The following LRP1B variants were observed in gnomAD, a reference collection of about 807,000 sequenced individuals.
LRP1B encodes low-density lipoprotein receptor-related protein 1B.
A neutral mutation model predicts 556.6 loss-of-function variants in LRP1B; 217 were observed. The ratio of observed to expected loss-of-function variants is 0.39; its 90% CI spans 0.35 to 0.44. LRP1B has a LOEUF of 0.44. Ranked by LOEUF, LRP1B falls within the 20% of genes least tolerant of loss-of-function variation. LRP1B has a pLI of 1.00. For synonymous variants in LRP1B, 2,047 were observed against 1,865.8 expected (o/e 1.10, Z -2.50); for missense variants, 5,053 against 5,620.8 (o/e 0.90, Z 3.23).
chr2:140,818,936 CAAAA>C (rs543167243), intron 31 of LRP1B, among the ~76,000 whole-genome samples: 47 of 102,904 alleles, frequency 4.6e-4, no homozygotes, highest in Admixed American at 1.1e-3. Flanking sequence ...GACTCTGTCT[CAAAA>C]AAAAAAAAAA....
chr2:140,351,615 A>T (rs146973554), intron 76 of LRP1B, among the ~76,000 whole-genome samples: 2 of 152,210 alleles, frequency 1.3e-5, no homozygotes, highest in Non-Finnish European at 1.5e-5. Flanking sequence ...ATTCTATTCT[A>T]AAGTTTTGAC....
chr2:141,438,208 G>A (rs1267324638), intron 3 of LRP1B, among the ~76,000 whole-genome samples: 1 of 152,062 alleles, frequency 6.6e-6, no homozygotes, highest in Non-Finnish European at 1.5e-5. Context: ...TGATTACGGA[G>A]TCTGTTCATC....
chr2:141,675,045 G>T (rs1216456725), intron 2 of LRP1B, among the ~76,000 whole-genome samples: 1 of 151,562 alleles, frequency 6.6e-6, no homozygotes, highest in East Asian at 1.9e-4. Flanking sequence ...AGAAACTTTT[G>T]TTTTTATTTT....
At chr2:140,876,401 T>C (rs1693306418) in intron 25 of LRP1B, among the ~76,000 whole-genome samples, 1 of 152,176 alleles carries the variant, frequency 6.6e-6, no homozygotes, top group South Asian at 2.1e-4. Flanking sequence ...AATACAGTTA[T>C]TTGCATAAGT....
chr2:141,233,026 A>G lies in LRP1B; in HGVS notation c.593-3586T>C, dbSNP rs374815182. 1.6e-4 allele frequency among the ~76,000 whole-genome samples: 24 copies of G among 152,192 alleles called. No homozygotes were observed. In the East Asian group the frequency reaches 1.7e-3, roughly 11 times the overall value. The stretch of plus-strand genomic sequence containing the variant: ...TGTTGTGCATCGTTACCACATGCCA[A>G]TTGAAGAGCACCAGCTTGGGTAAGG... On this transcript the variant is annotated intron_variant, in intron 5 of 90. Transcript: ENST00000389484.
chr2:140,329,883 G>GAA (rs34190948), intron 79 of LRP1B, among the ~76,000 whole-genome samples: 29 of 147,214 alleles, frequency 2.0e-4, no homozygotes, highest in Admixed American at 7.4e-4. Context: ...CACCAAATTA[G>GAA]AAAAAAAAAC....
Position 141,781,065 on chromosome 2 carries a change from A to G in LRP1B, c.205+29214T>C, listed in dbSNP as rs140975396. 2.0e-5 allele frequency among the ~76,000 whole-genome samples: 3 copies of G among 152,242 alleles called. No individual in the cohort carries two copies. In the East Asian group the frequency reaches 5.8e-4, roughly 30 times the overall value. On this transcript the variant is annotated intron_variant, in intron 2 of 90. Coordinates refer to ENST00000389484, the MANE Select transcript of LRP1B (RefSeq NM_018557.3). ...AGAGACCCAGAGAGGAGAATGCGGC[A>G]CTTGTAGAGAGGAAAGCAGATAGTA...
intron 60 of LRP1B, among the ~76,000 whole-genome samples, chr2:140,463,402 C>G (rs1170363969): frequency 6.6e-6 from 1 of 152,138 alleles, no homozygotes; most frequent in Non-Finnish European, 1.5e-5. Context: ...CTGTGCAAAC[C>G]ATTTAAAAAA....
intron 43 of LRP1B, among the ~76,000 whole-genome samples, chr2:140,549,586 A>T (rs1241697983): frequency 6.6e-6 from 1 of 152,202 alleles, no homozygotes; most frequent in Non-Finnish European, 1.5e-5. Context: ...ACATAGAAGG[A>T]CAGGAGCAAA....
intron 1 of LRP1B, among the ~76,000 whole-genome samples, chr2:142,075,446 G>C (rs1278642053): frequency 6.6e-6 from 1 of 152,014 alleles, no homozygotes; most frequent in Non-Finnish European, 1.5e-5. Flanking sequence ...ATGACCTCTG[G>C]ACTGACATTT....
chr2:141,036,312 T>C (rs1431701966), intron 11 of LRP1B, among the ~76,000 whole-genome samples: 2 of 152,032 alleles, frequency 1.3e-5, no homozygotes, highest in African/African-American at 2.4e-5. Flanking sequence ...TCCCTGGGAA[T>C]ACCCAACACA....
At chr2:141,238,998 A>G (rs1463729009) in intron 5 of LRP1B, among the ~76,000 whole-genome samples, 1 of 152,084 alleles carries the variant, frequency 6.6e-6, no homozygotes, top group Non-Finnish European at 1.5e-5. Context: ...CAGTCTCTTT[A>G]TATTTTTTAA....
At position 141,001,841 on chromosome 2, in the gene LRP1B, A is replaced by G. The variant is rs979997963; in HGVS notation, c.2503+3494T>C. On this transcript the variant is annotated intron_variant, in intron 15 of 90. Coordinates refer to ENST00000389484, the MANE Select transcript of LRP1B (RefSeq NM_018557.3). ...TTCATCTTTTCAAAATGTCAGAGTC[A>G]TTCAATTGGGCTAGCAGGAATTTCA... is the stretch of plus-strand genomic sequence containing the variant. Among the ~76,000 whole-genome samples, 4 of 152,274 alleles carry G rather than the reference A, an allele frequency of 2.6e-5. No individual in the cohort carries two copies. The South Asian group carries it at 6.2e-4, about 24-fold the overall frequency.
chr2:140,497,748 T>G (rs1164152368), intron 55 of LRP1B, among the ~76,000 whole-genome samples: 1 of 151,866 alleles, frequency 6.6e-6, no homozygotes, highest in East Asian at 1.9e-4. Context: ...TAATGGGGTT[T>G]CTGAAAATCA....
chr2:140,285,026 G>A (rs201035951), intron 84 of LRP1B, among the ~76,000 whole-genome samples: 1,590 of 144,598 alleles, frequency 0.011, 26 homozygotes, highest in East Asian at 0.079. Flanking sequence ...GTGTGTGTGT[G>A]TATATATATA....
chr2:140,803,260 G>GTTTT lies in LRP1B; in HGVS notation c.5359+10393_5359+10396dup, dbSNP rs11352164. On this transcript the variant is annotated intron_variant, in intron 32 of 90. Coordinates refer to ENST00000389484, the MANE Select transcript of LRP1B (RefSeq NM_018557.3). The stretch of plus-strand genomic sequence containing the variant: ...GTGGTCAGTATTAGTCCTATTGAAA[G>GTTTT]TTTTTTTTTTTTTTTTTTTTTTTTT... Among the ~76,000 whole-genome samples the GTTTT allele has an allele frequency of 4.2e-3, 424 of 102,142 alleles. 60 individuals are homozygous for GTTTT. Among genetic ancestry groups the GTTTT allele is most frequent in the East Asian group, 0.019 (76 of 4,014 alleles). The allele number at this position is 102,142 out of a possible 152,430, so 67.0% of individuals were successfully genotyped here.
chr2:141,070,775 A>G lies in LRP1B; in HGVS notation c.1014-8502T>C, dbSNP rs369821476. Among the ~76,000 whole-genome samples the G allele has an allele frequency of 8.3e-4, 127 of 152,134 alleles. 1 individual carries two copies. Among genetic ancestry groups the G allele is most frequent in the Admixed American group, 2.4e-3 (36 of 15,236 alleles). On this transcript the variant is annotated intron_variant, in intron 7 of 90. Coordinates refer to ENST00000389484, the MANE Select transcript of LRP1B (RefSeq NM_018557.3). Reference sequence around the variant, plus strand: ...TCTAGAAGAAATGGATAAATTCCTCAACACATACACCCTCCCAAGACTAAA... The same window carrying G: ...TCTAGAAGAAATGGATAAATTCCTCGACACATACACCCTCCCAAGACTAAA...
At chr2:140,938,137 T>C (rs1559205934) in intron 20 of LRP1B, among the ~76,000 whole-genome samples, 1 of 150,516 alleles carries the variant, frequency 6.6e-6, no homozygotes, top group African/African-American at 2.4e-5. Context: ...TTTAGCTTGC[T>C]GAGACCTTTT....
chr2:141,355,321 T>C (rs1162780080), intron 3 of LRP1B, among the ~76,000 whole-genome samples: 1 of 152,058 alleles, frequency 6.6e-6, no homozygotes, highest in African/African-American at 2.4e-5. Context: ...ATAATTCACA[T>C]ACCTTAATAT....
Sources: gnomAD v4.1 joint callset for allele counts (sites outside exome capture counted in the v4.1 genomes callset) on GRCh38, gnomAD v4.1.1 for gene constraint, MANE v1.5 for transcripts, NCBI Gene and HGNC (gene_info 2026-07-23, HGNC 2026-07-21) for gene names.